TMEM62: variants seen among roughly 807,000 people sequenced by gnomAD.
TMEM62 encodes the protein transmembrane protein 62.
A neutral mutation model predicts 70.4 loss-of-function variants in TMEM62; 41 were observed. That is an observed-to-expected ratio of 0.58 (90% CI 0.45 to 0.76). The LOEUF is 0.76. Ranked by LOEUF, TMEM62 falls within the 30% of genes least tolerant of loss-of-function variation. The probability of loss-of-function intolerance (pLI) is 0.00; values close to 1 mark genes in which losing one functional copy is unlikely to be tolerated. For synonymous variants in TMEM62, 268 were observed against 291.0 expected, an observed-to-expected ratio of 0.92 and a Z score of 0.80; for missense variants, 688 against 788.5, an observed-to-expected ratio of 0.87 and a Z score of 1.53.
chr15:43,136,089 A>T (rs2035192870), intron 3 of TMEM62, among the ~76,000 whole-genome samples: 1 of 152,188 alleles, frequency 6.6e-6, no homozygotes, highest in African/African-American at 2.4e-5. Flanking sequence ...AGCAAAACTC[A>T]TGCAGACAGA....
At chr15:43,171,509 T>G (rs757711521) in intron 11 of TMEM62, among the ~76,000 whole-genome samples, 15 of 151,964 alleles carry the variant, frequency 9.9e-5, no homozygotes, top group Admixed American at 7.2e-4. Flanking sequence ...AATAACTAAT[T>G]ATTTTACCAT....
chr15:43,174,018 C>T (rs1243850964), intron 11 of TMEM62, among the ~76,000 whole-genome samples: 2 of 151,932 alleles, frequency 1.3e-5, no homozygotes, highest in Admixed American at 1.3e-4. Context: ...CACCACCACA[C>T]CCAGGTAATT....
intron 11 of TMEM62, among the ~76,000 whole-genome samples, chr15:43,173,561 C>T (rs190366550): frequency 2.0e-4 from 31 of 152,312 alleles, no homozygotes; most frequent in Middle Eastern, 3.4e-3. Flanking sequence ...GTTCCCTATA[C>T]GTGCCATGCT....
At position 43,151,824 on chromosome 15, in the gene TMEM62, A is replaced by G; in HGVS notation, c.901A>G (p.Ser301Gly). ...RIFAFDHDLF[S>G]FADLIFGKWP... ...TTTTGCTTTTGATCACGACCTCTTT[A>G]GCTTTGCAGATTTGATCTTTGGGAA... Residue 301 changes from serine (S) to glycine (G), a missense_variant, in exon 8 of 14, where the codon AGC (serine) becomes GGC (glycine). Physicochemically the swap from Ser to Gly is moderately conservative, Grantham distance 56 (BLOSUM62 0). Coordinates refer to ENST00000260403, the MANE Select transcript of TMEM62 (RefSeq NM_024956.4). 6.2e-7 allele frequency: 1 copy of G among 1,613,862 alleles called. No homozygotes were observed. Among genetic ancestry groups the G allele is most frequent in the Non-Finnish European group, 8.5e-7 (1 of 1,179,922 alleles).
Position 43,146,522 on chromosome 15 carries a change from CT to C in TMEM62, c.509del (p.Phe170SerfsTer17). 6.2e-7 allele frequency: 1 copy of C among 1,613,428 alleles called. No homozygotes were observed. The highest frequency in any genetic ancestry group is 8.5e-7 in the Non-Finnish European group (1 of 1,179,716). On this transcript the variant is annotated frameshift_variant, in exon 5 of 14. Transcript: ENST00000260403. LOFTEE classifies it high-confidence loss of function. ...TATTCTGCTGTACGTAGAGATGGCT[CT>C]TTCCATTATGTCCACAGTACTCCCT... ...RKYSAVRRDG[S>X]FHYVHSTPFG... is the part of the protein sequence containing the mutation.
At chr15:43,134,010 G>A (rs1459286190) in intron 1 of TMEM62, 28 bp downstream of exon 1, 4 of 1,435,960 alleles carry the variant, frequency 2.8e-6, no homozygotes, top group Non-Finnish European at 3.6e-6. Flanking sequence ...CGGGCCGGGA[G>A]GCAGGTGCAG....
At chr15:43,139,648 G>A (rs903411800) in intron 4 of TMEM62, among the ~76,000 whole-genome samples, 10 of 152,186 alleles carry the variant, frequency 6.6e-5, no homozygotes, top group Non-Finnish European at 1.3e-4. Flanking sequence ...TGTGGAGAAC[G>A]TTTTCGTGTT....
rs2034727494 is a variant in TMEM62, at chr15:43,133,774, C to T, written c.-29C>T. On this transcript the variant is annotated 5_prime_UTR_variant, in exon 1 of 14. Coordinates refer to ENST00000260403, the MANE Select transcript of TMEM62 (RefSeq NM_024956.4). Reference sequence around the variant, plus strand: ...GCCGCGCGGTCCTGCGCGGGATCAGCGAGGGCCGCGCCCCGGCGGGCGGGC... The same window carrying T: ...GCCGCGCGGTCCTGCGCGGGATCAGTGAGGGCCGCGCCCCGGCGGGCGGGC... The T allele has an allele frequency of 2.2e-6, 3 of 1,338,096 alleles. No individual in the cohort carries two copies. Among genetic ancestry groups the T allele is most frequent in the East Asian group, 3.1e-5 (1 of 32,102 alleles). 82.9% of individuals were successfully genotyped at this position (1,338,096 alleles called of 1,614,324 possible).
chr15:43,138,445 C>T lies in TMEM62; in HGVS notation c.431-129C>T, dbSNP rs937787592. 1.3e-4 allele frequency: 93 copies of T among 726,698 alleles called. 1 individual carries two copies. In the South Asian group the frequency reaches 1.4e-3, roughly 11 times the overall value. The allele number at this position is 726,698 out of a possible 1,614,324, so 45.0% of individuals were successfully genotyped here. A position where few individuals can be genotyped will look rare whatever the true frequency, so the allele number is the denominator to read the frequency against. ...GTTTGCTGAATAATAAATGGAACGG[C>T]TCTACCCTGGGGGTGTGTGTGGAAG... On this transcript the variant is annotated intron_variant, in intron 3 of 13. Coordinates refer to ENST00000260403, the MANE Select transcript of TMEM62 (RefSeq NM_024956.4).
chr15:43,173,536 A>G (rs1446310968), intron 11 of TMEM62, among the ~76,000 whole-genome samples: 1 of 152,164 alleles, frequency 6.6e-6, no homozygotes. Flanking sequence ...ATTTTAGCCT[A>G]GATACTTTTT....
chr15:43,176,977 C>T (rs560718555), intron 11 of TMEM62, among the ~76,000 whole-genome samples: 100 of 152,082 alleles, frequency 6.6e-4, no homozygotes, highest in African/African-American at 2.3e-3. Context: ...ATAACCAATA[C>T]AGAGAAGTGC....
chr15:43,184,569 AG>A lies in TMEM62; in HGVS notation c.1916del (p.Ser639ThrfsTer3). 6.2e-7 allele frequency: 1 copy of A among 1,610,134 alleles called. No homozygotes were observed. ...KFGIFMVQLK[S>X]HLSS ...TGGAATCTTCATGGTGCAGTTAAAAAGCCACCTGAGCTCCTGAAGGCCATGT... is the reference window on the plus strand; with the variant it reads ...TGGAATCTTCATGGTGCAGTTAAAAACCACCTGAGCTCCTGAAGGCCATGT... On this transcript the variant is annotated frameshift_variant, in exon 14 of 14. Coordinates refer to ENST00000260403, the MANE Select transcript of TMEM62 (RefSeq NM_024956.4). LOFTEE classifies it high-confidence loss of function.
intron 7 of TMEM62, among the ~76,000 whole-genome samples, chr15:43,151,319 G>GAAAAAAAAAAAAAAA (rs896405823): frequency 1.9e-5 from 1 of 53,412 alleles, no homozygotes; most frequent in African/African-American, 5.7e-5. Context: ...TCAAAAATAA[G>GAAAAAAAAAAAAAAA]AAAAAAAAAA....
intron 12 of TMEM62, 148 bp from the exon 13 acceptor site, chr15:43,181,033 C>A: frequency 3.0e-6 from 2 of 657,278 alleles, no homozygotes; most frequent in Admixed American, 4.7e-5. Context: ...AACACAGAGA[C>A]TAGCAAAGAG....
chr15:43,134,084 A>G, intron 1 of TMEM62, 102 bp downstream of exon 1: 3 of 1,438,870 alleles, frequency 2.1e-6, no homozygotes, highest in East Asian at 2.5e-5. Context: ...TGGGGACCTC[A>G]GTCAGATTGT....
Position 43,133,766 on chromosome 15 carries a change from G to A in TMEM62, c.-37G>A, listed in dbSNP as rs1161893758. 7.5e-7 allele frequency: 1 copy of A among 1,324,564 alleles called. No individual in the cohort carries two copies. The highest frequency in any genetic ancestry group is 9.6e-7 in the Non-Finnish European group (1 of 1,042,458). The allele number at this position is 1,324,564 out of a possible 1,614,324, so 82.1% of individuals were successfully genotyped here. On this transcript the variant is annotated 5_prime_UTR_variant, in exon 1 of 14. Coordinates refer to ENST00000260403, the MANE Select transcript of TMEM62 (RefSeq NM_024956.4). ...CCGGGAGCGCCGCGCGGTCCTGCGC[G>A]GGATCAGCGAGGGCCGCGCCCCGGC...
At chr15:43,183,979 G>C (rs2041643606) in intron 13 of TMEM62, 1 of 443,424 alleles carries the variant, frequency 2.3e-6, no homozygotes, top group Non-Finnish European at 4.0e-6. Flanking sequence ...TTCAATTCCA[G>C]CTTAACACCA....
chr15:43,148,836 T>A lies in TMEM62; in HGVS notation c.700T>A (p.Ser234Thr), dbSNP rs906087342. 1.9e-6 allele frequency: 3 copies of A among 1,613,948 alleles called. No individual in the cohort carries two copies. In the African/African-American group the frequency reaches 4.0e-5, roughly 22 times the overall value. ...AATTTGGTTTGGACACTTTACAACA[T>A]CCACTATTCTTTCTCCATCACCAGG... ...HTIWFGHFTT[S>T]TILSPSPGIR... Residue 234 changes from serine (S) to threonine (T), a missense_variant, in exon 6 of 14, where the codon TCC becomes ACC. Transcript: ENST00000260403.
intron 11 of TMEM62, among the ~76,000 whole-genome samples, chr15:43,170,569 A>G (rs997417845): frequency 6.7e-6 from 1 of 149,626 alleles, no homozygotes; most frequent in Non-Finnish European, 1.5e-5. Flanking sequence ...TTTCCTAAGA[A>G]ATTAAAAAAA....
Sources: allele counts gnomAD v4.1 joint callset (sites outside exome capture counted in the v4.1 genomes callset), GRCh38; gene constraint gnomAD v4.1.1; transcripts MANE v1.5; gene names NCBI Gene and HGNC (gene_info 2026-07-23, HGNC 2026-07-21).